The following DYSF variants were observed in gnomAD, a reference collection of about 807,000 sequenced individuals.
DYSF encodes dystrophy-associated fer-1-like 1.
Under a neutral mutation model 274.9 loss-of-function variants are expected in DYSF, and 212 were observed. The ratio of observed to expected loss-of-function variants is 0.77; its 90% confidence interval spans 0.69 to 0.86. The LOEUF is 0.86. DYSF is among the 40% of genes least tolerant of loss of function. DYSF has a pLI of 0.00. For missense variants in DYSF, 2,666 were observed against 2,783.2 expected (o/e 0.96, Z 0.95); for synonymous variants, 1,091 against 1,078.7 (o/e 1.01, Z -0.22).
At chr2:71,500,222 C>A (rs566268624) in intron 3 of DYSF, among the ~76,000 whole-genome samples, 2 of 152,250 alleles carry the variant, frequency 1.3e-5, no homozygotes, top group South Asian at 4.1e-4. Flanking sequence ...CCTCTAGCCT[C>A]CCAGGGGTCC....
At chr2:71,506,897 G>C (rs1040193907) in intron 4 of DYSF, among the ~76,000 whole-genome samples, 2 of 152,104 alleles carry the variant, frequency 1.3e-5, no homozygotes, top group African/African-American at 2.4e-5. Flanking sequence ...CTGATGGGCA[G>C]CTAGAAGACA....
chr2:71,651,027 T>C (rs1183508749), intron 42 of DYSF, among the ~76,000 whole-genome samples: 1 of 152,060 alleles, frequency 6.6e-6, no homozygotes, highest in Non-Finnish European at 1.5e-5. Flanking sequence ...TCAAAACAAA[T>C]GAGGCAATGC....
intron 36 of DYSF, among the ~76,000 whole-genome samples, chr2:71,608,858 G>A (rs969897271): frequency 6.6e-6 from 1 of 152,168 alleles, no homozygotes; most frequent in Non-Finnish European, 1.5e-5. Context: ...GTGATTTTAA[G>A]AGAACAAGTG....
chr2:71,496,921 T>C, intron 3 of DYSF, among the ~76,000 whole-genome samples: 1 of 152,212 alleles, frequency 6.6e-6, no homozygotes, highest in East Asian at 1.9e-4. Context: ...CTCATGGGCC[T>C]CTAAGATGGC....
intron 34 of DYSF, 32 bp from the exon 35 acceptor site, chr2:71,601,467 A>G (rs924366798): frequency 1.2e-6 from 2 of 1,614,044 alleles, no homozygotes; most frequent in Admixed American, 1.7e-5. Context: ...GGTGACAAGC[A>G]CATGACCAGA....
rs1041878030 is a variant in DYSF, at chr2:71,681,696, G to A, written c.6173+586G>A. ...GGGGAGATAGACCAAGCCAATGGAT[G>A]TAGATGCTGTGAAGGCAGTTACAGG... is the stretch of plus-strand genomic sequence containing the variant. On this transcript the variant is annotated intron_variant, in intron 54 of 55. Transcript: ENST00000410020. Among the ~76,000 whole-genome samples the A allele has an allele frequency of 2.6e-5, 4 of 152,232 alleles. No individual in the cohort carries two copies. In the South Asian group the frequency reaches 8.3e-4, roughly 32 times the overall value.
intron 10 of DYSF, 87 bp downstream of exon 10, chr2:71,517,126 G>T: frequency 7.9e-7 from 1 of 1,266,370 alleles, no homozygotes; most frequent in African/African-American, 1.5e-5. Context: ...GGGCTCCAGA[G>T]ATCCTGTGTT....
At chr2:71,455,996 G>T (rs571077073) in intron 1 of DYSF, among the ~76,000 whole-genome samples, 5 of 152,300 alleles carry the variant, frequency 3.3e-5, no homozygotes, top group Admixed American at 3.3e-4. Flanking sequence ...CCCCAGAAGT[G>T]CAGGAAGTGC....
chr2:71,471,710 C>CT (rs1412608508), intron 1 of DYSF, among the ~76,000 whole-genome samples: 1 of 152,180 alleles, frequency 6.6e-6, no homozygotes, highest in Non-Finnish European at 1.5e-5. Context: ...TGGCTCACGC[C>CT]TGTAATCCCA....
chr2:71,455,949 A>G (rs1211549629), intron 1 of DYSF, among the ~76,000 whole-genome samples: 1 of 152,158 alleles, frequency 6.6e-6, no homozygotes, highest in Non-Finnish European at 1.5e-5. Flanking sequence ...GGTTGGAGAA[A>G]GGAAAGAATG....
intron 7 of DYSF, among the ~76,000 whole-genome samples, chr2:71,514,693 T>C (rs987719065): frequency 3.9e-5 from 6 of 152,192 alleles, no homozygotes; most frequent in African/African-American, 4.8e-5. Context: ...CTATTTATAA[T>C]ACTAAGTGCA....
chr2:71,533,559 T>G (rs905925271), intron 14 of DYSF, among the ~76,000 whole-genome samples: 1 of 152,236 alleles, frequency 6.6e-6, no homozygotes, highest in African/African-American at 2.4e-5. Flanking sequence ...GTTCAAGCCA[T>G]GCTGCAGTGA....
At chr2:71,464,323 C>T (rs2081407230), upstream of DYSF, among the ~76,000 whole-genome samples, 1 of 152,210 alleles carries the variant, frequency 6.6e-6, no homozygotes. Flanking sequence ...GACAAAAACC[C>T]CTGGCTCCTT....
intron 29 of DYSF, 40 bp from the exon 30 acceptor site, chr2:71,574,158 C>A: frequency 6.2e-7 from 1 of 1,607,774 alleles, no homozygotes. Flanking sequence ...TCCCCCCAGC[C>A]TTCCCACCGG....
chr2:71,669,523 T>G (rs1363450962), intron 50 of DYSF, 82 bp from the exon 51 acceptor site: 15 of 1,561,162 alleles, frequency 9.6e-6, no homozygotes, highest in Non-Finnish European at 1.1e-5. Flanking sequence ...CCTTCTTAAC[T>G]CCTTGTCTGC....
Position 71,503,062 on chromosome 2 carries a change from G to T in DYSF, c.240-152G>T, listed in dbSNP as rs191204549. 7.5e-5 allele frequency: 57 copies of T among 760,952 alleles called. No homozygotes were observed. The East Asian group carries it at 1.2e-3, about 16-fold the overall frequency. 47.1% of individuals were successfully genotyped at this position (760,952 alleles called of 1,614,324 possible). ...AGGGATGGTGCATGGTGGTGACTGG[G>T]TGTGGGGGTGCAGGAGAGCCCTCGT... On this transcript the variant is annotated intron_variant, in intron 3 of 55. Transcript: ENST00000410020.
intron 17 of DYSF, among the ~76,000 whole-genome samples, chr2:71,546,508 T>C (rs886673234): frequency 6.6e-6 from 1 of 152,228 alleles, no homozygotes; most frequent in Non-Finnish European, 1.5e-5. Flanking sequence ...CGCACTAGAG[T>C]GTTCCTTGGA....
At chr2:71,607,589 G>A (rs1023990990) in intron 36 of DYSF, among the ~76,000 whole-genome samples, 1 of 152,190 alleles carries the variant, frequency 6.6e-6, no homozygotes, top group Non-Finnish European at 1.5e-5. Context: ...CAAGTGAAAG[G>A]GGGATGCTGG....
chr2:71,644,205 C>G, intron 42 of DYSF, 142 bp downstream of exon 42: 1 of 812,778 alleles, frequency 1.2e-6, no homozygotes, highest in Non-Finnish European at 2.1e-6. Flanking sequence ...TGCTGCTAGA[C>G]CAGCTGGGTG....
Sources: gnomAD v4.1 joint callset for allele counts (sites outside exome capture counted in the v4.1 genomes callset) on GRCh38, gnomAD v4.1.1 for gene constraint, MANE v1.5 for transcripts, NCBI Gene and HGNC (gene_info 2026-07-23, HGNC 2026-07-21) for gene names.